KPNA5: variants seen among roughly 807,000 people sequenced by gnomAD.
The protein encoded by KPNA5 is importin subunit alpha-6.
In KPNA5, 46 loss-of-function variants were observed where a neutral mutation model predicts 71.3. The ratio of observed to expected loss-of-function variants is 0.65; its 90% CI spans 0.51 to 0.83. The LOEUF is 0.83. Among genes scored for constraint, KPNA5 ranks in the 40% least tolerant of loss-of-function variants. KPNA5 has a pLI of 0.00. For synonymous variants in KPNA5, 207 were observed against 201.4 expected, an observed-to-expected ratio of 1.03 and a Z score of -0.24; for missense variants, 547 against 628.3, an observed-to-expected ratio of 0.87 and a Z score of 1.38.
chr6:116,724,386 A>C lies in KPNA5; in HGVS notation c.999+11A>C. 6.3e-7 allele frequency: 1 copy of C among 1,582,770 alleles called. No individual in the cohort carries two copies. On this transcript the variant is annotated intron_variant, in intron 10 of 13. Coordinates refer to ENST00000368564, the MANE Select transcript of KPNA5 (RefSeq NM_001366306.2). ...GATATTCAAACACAGGTGAGTTCAA[A>C]CTTGAGTATCATAAATTGTTAACAT...
intron 1 of KPNA5, among the ~76,000 whole-genome samples, chr6:116,682,719 G>A (rs1472675702): frequency 6.6e-6 from 1 of 152,148 alleles, no homozygotes; most frequent in East Asian, 1.9e-4. Flanking sequence ...GCCGTTGAAA[G>A]CTTATGAATG....
intron 4 of KPNA5, among the ~76,000 whole-genome samples, chr6:116,693,267 G>A (rs183540387): frequency 6.6e-6 from 1 of 152,162 alleles, no homozygotes; most frequent in African/African-American, 2.4e-5. Flanking sequence ...AGGATGGCTG[G>A]GTCAAATGGT....
chr6:116,694,280 A>G (rs1296262543), intron 4 of KPNA5, among the ~76,000 whole-genome samples: 2 of 152,228 alleles, frequency 1.3e-5, no homozygotes, highest in African/African-American at 4.8e-5. Flanking sequence ...GAAGAAAGTC[A>G]TTAATAGCTT....
chr6:116,711,522 A>T, intron 7 of KPNA5, among the ~76,000 whole-genome samples: 1 of 140,260 alleles, frequency 7.1e-6, no homozygotes, highest in African/African-American at 2.8e-5. Flanking sequence ...TATTTATCTC[A>T]AAGTATTTTC....
At chr6:116,698,508 G>T (rs982094295) in intron 4 of KPNA5, among the ~76,000 whole-genome samples, 196 bp from the exon 5 acceptor site, 2 of 151,978 alleles carry the variant, frequency 1.3e-5, no homozygotes, top group Non-Finnish European at 2.9e-5. Flanking sequence ...GAATGAGAAA[G>T]CGGAATTTGC....
intron 5 of KPNA5, among the ~76,000 whole-genome samples, chr6:116,700,670 T>G (rs1172372155): frequency 6.6e-6 from 1 of 152,192 alleles, no homozygotes; most frequent in Non-Finnish European, 1.5e-5. Context: ...CAAGTTTTGT[T>G]GGCCTGAACA....
chr6:116,729,327 A>G (rs1473602704), intron 12 of KPNA5, among the ~76,000 whole-genome samples: 1 of 152,026 alleles, frequency 6.6e-6, no homozygotes, highest in Non-Finnish European at 1.5e-5. Context: ...AGTCTTTGCA[A>G]GACCATTTAT....
chr6:116,720,540 C>T (rs934376994), intron 8 of KPNA5, among the ~76,000 whole-genome samples: 2 of 152,090 alleles, frequency 1.3e-5, no homozygotes, highest in Admixed American at 6.5e-5. Flanking sequence ...TTTAAACATA[C>T]TTTATATTTG....
In KPNA5 at chr6:116,732,121, T is replaced by TATAC. The variant is rs1554258587; in HGVS notation, c.1433-14_1433-13insTACA. 9.1e-6 allele frequency: 5 copies of TATAC among 550,904 alleles called. 1 individual carries two copies. The highest frequency in any genetic ancestry group is 3.7e-5 in the Admixed American group (1 of 26,718). 34.1% of individuals were successfully genotyped at this position (550,904 alleles called of 1,614,324 possible). A position where few individuals can be genotyped will look rare whatever the true frequency, so the allele number is the denominator to read the frequency against. ...ATATATATATATATATATATATATA[T>TATAC]ACTTTGTATAACAGGTCTGGATAAA... On this transcript the variant is annotated splice_polypyrimidine_tract_variant and intron_variant, in intron 13 of 13. Transcript: ENST00000368564.
intron 7 of KPNA5, among the ~76,000 whole-genome samples, chr6:116,715,914 C>CAA (rs113069826): frequency 0.019 from 2,289 of 123,166 alleles, 61 homozygotes; most frequent in African/African-American, 0.063. Flanking sequence ...GACTCTGACT[C>CAA]AAAAAAAAAA....
chr6:116,696,937 T>C (rs1778049566), intron 4 of KPNA5, among the ~76,000 whole-genome samples: 1 of 151,796 alleles, frequency 6.6e-6, no homozygotes, highest in African/African-American at 2.4e-5. Flanking sequence ...TGGGTTCTTA[T>C]GTGTGTGTGT....
Position 116,724,321 on chromosome 6 carries a change from A to G in KPNA5, c.945A>G (p.Ser315=), listed in dbSNP as rs190582178. 4.3e-6 allele frequency: 7 copies of G among 1,609,760 alleles called. No individual in the cohort carries two copies. In the Admixed American group the frequency reaches 6.7e-5, roughly 15 times the overall value. The change falls in exon 10 of 14, where the codon TCA becomes TCG. Residue 315 remains serine, a synonymous_variant. Coordinates refer to ENST00000368564, the MANE Select transcript of KPNA5 (RefSeq NM_001366306.2). The part of the protein sequence containing the change: ...LLMHNDYKVV[S]PALRAVGNIV... Reference sequence around the variant, plus strand: ...GGCACAATGATTATAAAGTTGTATCACCTGCATTAAGGGCAGTTGGTAATA... The same window carrying G: ...GGCACAATGATTATAAAGTTGTATCGCCTGCATTAAGGGCAGTTGGTAATA...
chr6:116,698,934 C>A, intron 5 of KPNA5, 136 bp downstream of exon 5: 1 of 470,746 alleles, frequency 2.1e-6, no homozygotes, highest in Non-Finnish European at 3.8e-6. Context: ...GGTAGTGCTG[C>A]CTATCTTGTC....
Position 116,741,354 on chromosome 6 carries a change from ATC to A in KPNA5, c.*9033_*9034del, listed in dbSNP as rs1779866759. 1 of 131,620 alleles carries A rather than the reference ATC, an allele frequency of 7.6e-6. No individual in the cohort carries two copies. Among genetic ancestry groups the A allele is most frequent in the Non-Finnish European group, 1.6e-5 (1 of 60,852 alleles). 8.2% of individuals were successfully genotyped at this position (131,620 alleles called of 1,614,324 possible). Reference sequence around the variant, plus strand: ...TTTGTGCATAGAAATTTAGAATTACATCTTTTTTTTTAAGGTTCAGATGAGAA... The same window carrying A: ...TTTGTGCATAGAAATTTAGAATTACATTTTTTTTTAAGGTTCAGATGAGAA... On this transcript the variant is annotated 3_prime_UTR_variant, in exon 14 of 14. Transcript: ENST00000368564.
At chr6:116,726,834 A>C (rs923343847) in intron 12 of KPNA5, among the ~76,000 whole-genome samples, 2 of 152,076 alleles carry the variant, frequency 1.3e-5, no homozygotes, top group Admixed American at 1.3e-4. Context: ...TAGGCTGCTT[A>C]AGAAAAATCA....
intron 10 of KPNA5, among the ~76,000 whole-genome samples, chr6:116,724,730 T>C (rs1779234266): frequency 6.6e-6 from 1 of 152,122 alleles, no homozygotes; most frequent in African/African-American, 2.4e-5. Context: ...CGCCTCAGCC[T>C]TCCAAGTAGT....
At chr6:116,724,157 T>C (rs544236072) in intron 9 of KPNA5, 140 bp from the exon 10 acceptor site, 3 of 569,662 alleles carry the variant, frequency 5.3e-6, no homozygotes, top group East Asian at 5.6e-5. Context: ...TCCTTTGTTA[T>C]AAAGATTATC....
intron 8 of KPNA5, among the ~76,000 whole-genome samples, 183 bp downstream of exon 8, chr6:116,716,501 T>C (rs1372401382): frequency 6.6e-6 from 1 of 152,232 alleles, no homozygotes; most frequent in Non-Finnish European, 1.5e-5. Flanking sequence ...CTTGTACTTT[T>C]CCTCACACAC....
intron 1 of KPNA5, 45 bp downstream of exon 1, chr6:116,681,383 T>C (rs201831033): frequency 2.4e-5 from 37 of 1,543,856 alleles, no homozygotes; most frequent in Middle Eastern, 1.7e-4. Context: ...GCCTCGGTTT[T>C]GGTCCCTTTG....
Sources: gnomAD v4.1 joint callset for allele counts (sites outside exome capture counted in the v4.1 genomes callset) on GRCh38, gnomAD v4.1.1 for gene constraint, MANE v1.5 for transcripts, NCBI Gene and HGNC (gene_info 2026-07-23, HGNC 2026-07-21) for gene names.